UBE3C: variants seen among roughly 807,000 people sequenced by gnomAD.
UBE3C encodes the protein ubiquitin protein ligase E3C.
Under a neutral mutation model 129.4 loss-of-function variants are expected in UBE3C, and 42 were observed. The ratio of observed to expected loss-of-function variants is 0.32; its 90% CI spans 0.25 to 0.42. UBE3C has a LOEUF of 0.42. Among genes scored for constraint, UBE3C ranks in the 10% least tolerant of loss-of-function variants. UBE3C has a pLI of 1.00. For missense variants in UBE3C, 1,049 were observed against 1,319.1 expected (o/e 0.80, Z 3.17); for synonymous variants, 510 against 492.4 (o/e 1.04, Z -0.47).
chr7:157,220,612 A>G, intron 14 of UBE3C, 77 bp from the exon 15 acceptor site: 1 of 1,551,912 alleles, frequency 6.4e-7, no homozygotes, highest in Middle Eastern at 1.7e-4. Context: ...GTCCAGCACC[A>G]ATTCTGTTCA....
At chr7:157,259,550 A>G (rs559611401) in intron 22 of UBE3C, among the ~76,000 whole-genome samples, 1 of 152,370 alleles carries the variant, frequency 6.6e-6, no homozygotes, top group Admixed American at 6.5e-5. Flanking sequence ...TTAGAATTTA[A>G]AAGGAATAAA....
chr7:157,145,974 A>G (rs1424881511), intron 1 of UBE3C, among the ~76,000 whole-genome samples: 1 of 152,178 alleles, frequency 6.6e-6, no homozygotes, highest in African/African-American at 2.4e-5. Context: ...CGTTGTGTCT[A>G]AAAAGTCATT....
intron 1 of UBE3C, chr7:157,140,002 A>T: frequency 2.0e-6 from 2 of 985,452 alleles, no homozygotes; most frequent in South Asian, 9.4e-5. Flanking sequence ...TGTGATCGAC[A>T]TTAAGTTGTT....
intron 17 of UBE3C, among the ~76,000 whole-genome samples, chr7:157,228,093 T>G (rs182490430): frequency 2.6e-5 from 4 of 152,388 alleles, no homozygotes; most frequent in Admixed American, 2.0e-4. Flanking sequence ...CTAATGTGAT[T>G]ATTCCACGTG....
intron 18 of UBE3C, among the ~76,000 whole-genome samples, chr7:157,236,980 T>TTG (rs1796169283): frequency 6.6e-6 from 1 of 152,004 alleles, no homozygotes; most frequent in African/African-American, 2.4e-5. Context: ...GATCTGCCCA[T>TTG]CTCAGCCTTC....
chr7:157,218,380 C>T (rs944081758), intron 14 of UBE3C, among the ~76,000 whole-genome samples: 2 of 151,520 alleles, frequency 1.3e-5, no homozygotes, highest in Non-Finnish European at 2.9e-5. Flanking sequence ...ACCTGGGATG[C>T]GGAGGTTGCA....
At chr7:157,256,426 A>G (rs1295491949) in intron 21 of UBE3C, among the ~76,000 whole-genome samples, 1 of 149,850 alleles carries the variant, frequency 6.7e-6, no homozygotes, top group Non-Finnish European at 1.5e-5. Flanking sequence ...TACAGGTGTG[A>G]GCCACTGTGC....
intron 19 of UBE3C, among the ~76,000 whole-genome samples, chr7:157,251,673 T>G (rs1486859890): frequency 1.3e-5 from 2 of 152,224 alleles, no homozygotes; most frequent in Non-Finnish European, 2.9e-5. Flanking sequence ...GGTATCTTGC[T>G]GTCCTGAGAA....
intron 19 of UBE3C, among the ~76,000 whole-genome samples, chr7:157,251,915 AT>A (rs960225651): frequency 3.9e-5 from 6 of 152,126 alleles, no homozygotes; most frequent in Non-Finnish European, 5.9e-5. Flanking sequence ...CAGGCAGATC[AT>A]TTGAGGTCAG....
intron 18 of UBE3C, among the ~76,000 whole-genome samples, chr7:157,247,858 G>T (rs975543811): frequency 1.3e-5 from 2 of 152,142 alleles, no homozygotes; most frequent in Non-Finnish European, 2.9e-5. Context: ...CCAAAACTGT[G>T]CTCAAATCCT....
chr7:157,240,462 C>T lies in UBE3C; in HGVS notation c.2482-7906C>T, dbSNP rs544446211. On this transcript the variant is annotated intron_variant, in intron 18 of 22. Coordinates refer to ENST00000348165, the MANE Select transcript of UBE3C (RefSeq NM_014671.3). ...AATAGGATTGCCAGTTAGTGTAGGG[C>T]CCACTTGACGTTAATATCATAAAGT... Among the ~76,000 whole-genome samples the T allele has an allele frequency of 2.0e-5, 3 of 152,232 alleles. No individual in the cohort carries two copies. In the East Asian group the frequency reaches 5.8e-4, roughly 29 times the overall value.
chr7:157,231,051 C>G, intron 17 of UBE3C, 29 bp from the exon 18 acceptor site: 1 of 1,609,574 alleles, frequency 6.2e-7, no homozygotes, highest in Non-Finnish European at 8.5e-7. Flanking sequence ...AACATCTTTC[C>G]TCCTCACCCT....
At chr7:157,176,688 G>A (rs1354664429) in intron 5 of UBE3C, among the ~76,000 whole-genome samples, 2 of 152,034 alleles carry the variant, frequency 1.3e-5, no homozygotes, top group African/African-American at 4.8e-5. Flanking sequence ...ACTTTTAATG[G>A]TCTGCTTATA....
chr7:157,196,846 G>C (rs977774531), intron 10 of UBE3C, among the ~76,000 whole-genome samples: 3 of 152,174 alleles, frequency 2.0e-5, no homozygotes, highest in Admixed American at 1.3e-4. Context: ...GTGCATGCCT[G>C]TAATCCCAGC....
intron 6 of UBE3C, among the ~76,000 whole-genome samples, chr7:157,180,029 A>C (rs545783378): frequency 2.5e-4 from 38 of 152,212 alleles, no homozygotes; most frequent in African/African-American, 7.2e-5. Context: ...TTTGTTTTCT[A>C]AAATTGTAAG....
At chr7:157,224,011 A>C (rs1322798896) in intron 16 of UBE3C, among the ~76,000 whole-genome samples, 1 of 151,762 alleles carries the variant, frequency 6.6e-6, no homozygotes, top group African/African-American at 2.4e-5. Context: ...ATCAGAAACG[A>C]TGTTTTTTTT....
chr7:157,230,129 G>A (rs893836002), intron 17 of UBE3C, among the ~76,000 whole-genome samples: 1 of 150,428 alleles, frequency 6.6e-6, no homozygotes, highest in Admixed American at 6.6e-5. Context: ...GGCTGGTCTC[G>A]AACTCCTGAC....
chr7:157,160,737 C>G (rs1459015452), intron 1 of UBE3C, among the ~76,000 whole-genome samples: 1 of 152,070 alleles, frequency 6.6e-6, no homozygotes, highest in African/African-American at 2.4e-5. Context: ...AAACTTTTGC[C>G]CACTAATTTT....
At chr7:157,166,271 G>A (rs1808209310) in intron 2 of UBE3C, among the ~76,000 whole-genome samples, 1 of 152,130 alleles carries the variant, frequency 6.6e-6, no homozygotes, top group South Asian at 2.1e-4. Flanking sequence ...AGTCTGTCTT[G>A]AAGCTTTCAA....
Sources: gnomAD v4.1 joint callset for allele counts (sites outside exome capture counted in the v4.1 genomes callset) on GRCh38, gnomAD v4.1.1 for gene constraint, MANE v1.5 for transcripts, NCBI Gene and HGNC (gene_info 2026-07-23, HGNC 2026-07-21) for gene names.